Variants in B3GALT1 observed in about 807,000 individuals in gnomAD.
B3GALT1 encodes the protein beta-1,3-galactosyltransferase 1, also known as UDP-Gal:betaGlcNAc beta 1,3-galactosyltransferase, polypeptide 1.
Under a neutral mutation model 23.2 loss-of-function variants are expected in B3GALT1, and 10 were observed. The ratio of observed to expected loss-of-function variants is 0.43; its 90% confidence interval spans 0.27 to 0.73. The LOEUF is 0.73. Ranked by LOEUF, B3GALT1 falls within the 30% of genes least tolerant of loss-of-function variation. The probability of loss-of-function intolerance (pLI) is 0.21; values close to 1 mark genes in which losing one functional copy is unlikely to be tolerated. For synonymous variants in B3GALT1, 156 were observed against 141.5 expected, an observed-to-expected ratio of 1.10 and a Z score of -0.73; for missense variants, 299 against 405.4, an observed-to-expected ratio of 0.74 and a Z score of 2.25.
At chr2:167,852,839 A>C (rs982785864) in intron 4 of B3GALT1, among the ~76,000 whole-genome samples, 5 of 152,202 alleles carry the variant, frequency 3.3e-5, no homozygotes, top group Non-Finnish European at 7.3e-5. Flanking sequence ...GTTTATGGCT[A>C]TCTGGAAGCC....
chr2:167,592,170 T>C (rs1208317876), intron 2 of B3GALT1, among the ~76,000 whole-genome samples: 1 of 152,164 alleles, frequency 6.6e-6, no homozygotes, highest in Admixed American at 6.6e-5. Context: ...TACTTAAATA[T>C]GTGTATCTGG....
chr2:167,330,744 T>A (rs1696960024), intron 1 of B3GALT1, among the ~76,000 whole-genome samples: 1 of 152,258 alleles, frequency 6.6e-6, no homozygotes, highest in South Asian at 2.1e-4. Flanking sequence ...GAATTGTTAT[T>A]CTGATTTCTT....
In B3GALT1 at chr2:167,443,653, C is replaced by T. The variant is rs538546255; in HGVS notation, c.-510-46524C>T. Among the ~76,000 whole-genome samples, 7 of 152,218 alleles carry T rather than the reference C, an allele frequency of 4.6e-5. No homozygotes were observed. The South Asian group carries it at 1.5e-3, about 32-fold the overall frequency. On this transcript the variant is annotated intron_variant, in intron 1 of 4. Coordinates refer to ENST00000392690, the MANE Select transcript of B3GALT1 (RefSeq NM_020981.4). ...AAGCAATTGTGAATGGGAGTTCACT[C>T]ATGATTTGGCTCTCTGTCTGTTATG...
At chr2:167,661,856 G>A (rs904779212) in intron 3 of B3GALT1, among the ~76,000 whole-genome samples, 5 of 151,982 alleles carry the variant, frequency 3.3e-5, no homozygotes, top group African/African-American at 7.2e-5. Flanking sequence ...TTCAGGTTCC[G>A]GACTCAATAT....
At chr2:167,513,558 CT>C (rs1700059772) in intron 2 of B3GALT1, among the ~76,000 whole-genome samples, 1 of 152,106 alleles carries the variant, frequency 6.6e-6, no homozygotes, top group Non-Finnish European at 1.5e-5. Flanking sequence ...TAAAAAGTTA[CT>C]GTCTTTTATG....
At chr2:167,366,625 A>G (rs1298704306) in intron 1 of B3GALT1, among the ~76,000 whole-genome samples, 1 of 152,174 alleles carries the variant, frequency 6.6e-6, no homozygotes, top group Non-Finnish European at 1.5e-5. Context: ...GTGGCCTAGA[A>G]CAACACTAGT....
At chr2:167,496,196 A>T (rs992512919) in intron 2 of B3GALT1, among the ~76,000 whole-genome samples, 9 of 152,202 alleles carry the variant, frequency 5.9e-5, no homozygotes, top group Non-Finnish European at 4.4e-5. Context: ...ACTATTTCTT[A>T]AATGAAAAAG....
At chr2:167,807,104 A>G (rs1688772139) in intron 3 of B3GALT1, among the ~76,000 whole-genome samples, 1 of 152,116 alleles carries the variant, frequency 6.6e-6, no homozygotes, top group South Asian at 2.1e-4. Flanking sequence ...ATTTGCGTAG[A>G]GGTGTTTATA....
intron 3 of B3GALT1, among the ~76,000 whole-genome samples, chr2:167,780,733 T>A (rs535603657): frequency 9.2e-5 from 14 of 152,362 alleles, no homozygotes; most frequent in Non-Finnish European, 1.3e-4. Context: ...GCATGGACTT[T>A]ATTGATTCAG....
At position 167,844,770 on chromosome 2, in the gene B3GALT1, A is replaced by T. The variant is rs962709652; in HGVS notation, c.-229-24041A>T. Among the ~76,000 whole-genome samples the T allele has an allele frequency of 5.9e-5, 9 of 152,310 alleles. No homozygotes were observed. In the East Asian group the frequency reaches 1.7e-3, roughly 29 times the overall value. On this transcript the variant is annotated intron_variant, in intron 4 of 4. Coordinates refer to ENST00000392690, the MANE Select transcript of B3GALT1 (RefSeq NM_020981.4). Reference sequence around the variant, plus strand: ...TGGCCAGAACTCAGGGGAGGGCGCAAATCCAGTGTGCAGACTCCACAGGCA... The same window carrying T: ...TGGCCAGAACTCAGGGGAGGGCGCATATCCAGTGTGCAGACTCCACAGGCA...
chr2:167,761,265 G>A (rs999556731), intron 3 of B3GALT1, among the ~76,000 whole-genome samples: 4 of 152,146 alleles, frequency 2.6e-5, no homozygotes, highest in African/African-American at 9.7e-5. Flanking sequence ...ATGCTGGATT[G>A]ATACAAAGCA....
At chr2:167,693,062 G>A (rs530808703) in intron 3 of B3GALT1, among the ~76,000 whole-genome samples, 3 of 151,810 alleles carry the variant, frequency 2.0e-5, no homozygotes, top group East Asian at 2.0e-4. Context: ...TGCTGAACTC[G>A]TGATTGAATC....
intron 3 of B3GALT1, among the ~76,000 whole-genome samples, chr2:167,760,338 A>C (rs1687880986): frequency 6.6e-6 from 1 of 152,192 alleles, no homozygotes; most frequent in Admixed American, 6.5e-5. Flanking sequence ...ACTTGACCAG[A>C]ATTATGATGG....
intron 1 of B3GALT1, among the ~76,000 whole-genome samples, chr2:167,325,629 C>T (rs1278775817): frequency 6.6e-6 from 1 of 151,738 alleles, no homozygotes; most frequent in East Asian, 1.9e-4. Flanking sequence ...CAGATCCAAG[C>T]CATATCAAGT....
chr2:167,780,077 G>A (rs901726943), intron 3 of B3GALT1, among the ~76,000 whole-genome samples: 1 of 152,150 alleles, frequency 6.6e-6, no homozygotes, highest in African/African-American at 2.4e-5. Flanking sequence ...AGAGATTCGA[G>A]AAAATATATT....
intron 3 of B3GALT1, among the ~76,000 whole-genome samples, chr2:167,802,713 G>T (rs1688661072): frequency 6.6e-6 from 1 of 152,066 alleles, no homozygotes; most frequent in South Asian, 2.1e-4. Context: ...TTAAGCCCTT[G>T]TTACAATTAT....
chr2:167,315,683 G>A (rs1433273350), intron 1 of B3GALT1, among the ~76,000 whole-genome samples: 1 of 152,096 alleles, frequency 6.6e-6, no homozygotes, highest in South Asian at 2.1e-4. Flanking sequence ...CAAGTACAGT[G>A]CCATTTAACT....
intron 2 of B3GALT1, among the ~76,000 whole-genome samples, chr2:167,622,765 A>T (rs960217337): frequency 6.6e-6 from 1 of 152,116 alleles, no homozygotes; most frequent in Non-Finnish European, 1.5e-5. Context: ...ACATTAAGAT[A>T]TGCAAAAGCA....
At chr2:167,529,908 T>A (rs1053686419) in intron 2 of B3GALT1, among the ~76,000 whole-genome samples, 24 of 152,054 alleles carry the variant, frequency 1.6e-4, no homozygotes, top group Non-Finnish European at 1.8e-4. Context: ...GCAGTTTTTT[T>A]AAAAATCATA....
Sources: gnomAD v4.1 joint callset for allele counts (sites outside exome capture counted in the v4.1 genomes callset) on GRCh38, gnomAD v4.1.1 for gene constraint, MANE v1.5 for transcripts, NCBI Gene and HGNC (gene_info 2026-07-23, HGNC 2026-07-21) for gene names.